Variants in ANKZF1 observed in about 807,000 individuals in gnomAD.
ANKZF1 encodes tRNA endonuclease ANKZF1.
A neutral mutation model predicts 86.0 loss-of-function variants in ANKZF1; 84 were observed. The observed-to-expected ratio is 0.98, with a 90% CI of 0.82 to 1.17. The LOEUF (loss-of-function observed/expected upper bound fraction) is 1.17. Among genes scored for constraint, ANKZF1 ranks in the 50% most tolerant of loss-of-function variants. The pLI is 0.00. For missense variants in ANKZF1, 893 were observed against 918.4 expected, an observed-to-expected ratio of 0.97 and a Z score of 0.36; for synonymous variants, 331 against 354.2, an observed-to-expected ratio of 0.93 and a Z score of 0.74.
In ANKZF1 at chr2:219,234,274, A is replaced by C. The variant is rs1243587358; in HGVS notation, c.1190A>C (p.Glu397Ala). The change falls in exon 9 of 14, where the codon GAA becomes GCA. Residue 397 changes from glutamate to alanine, a missense_variant. Transcript: ENST00000323348. Reference sequence around the variant, plus strand: ...AAGGAAGCGCTGGGGCAGAATGAGGAATCTCCCAAACAGGGTTTGATTACT... The same window carrying C: ...AAGGAAGCGCTGGGGCAGAATGAGGCATCTCCCAAACAGGGTTTGATTACT... ...DEKEALGQNE[E>A]SPKQGSGSEG... 1 of 1,613,820 alleles carries C rather than the reference A, an allele frequency of 6.2e-7. No individual in the cohort carries two copies. Among genetic ancestry groups the C allele is most frequent in the African/African-American group, 1.3e-5 (1 of 74,924 alleles).
chr2:219,234,762 A>G (rs144970852), intron 9 of ANKZF1, 64 bp from the exon 10 acceptor site: 47 of 1,520,254 alleles, frequency 3.1e-5, no homozygotes, highest in Non-Finnish European at 4.1e-5. Flanking sequence ...TTTCATTCTT[A>G]TGCATCTGCT....
In ANKZF1 at chr2:219,232,650, T is replaced by G; in HGVS notation, c.525T>G (p.Leu175=). ...TCCAGAATGCCCAGGGCCAGTTTCT[T>G]TATGCCTACCGCTGTGTCCTAGGCC... is the stretch of plus-strand genomic sequence containing the variant. ...VLFQNAQGQF[L]YAYRCVLGPH... The change falls in exon 5 of 14, where the codon CTT becomes CTG. Residue 175 remains leucine (L), a synonymous_variant. Transcript: ENST00000323348. The G allele has an allele frequency of 2.5e-6, 4 of 1,614,162 alleles. No homozygotes were observed. The highest frequency in any genetic ancestry group is 3.4e-6 in the Non-Finnish European group (4 of 1,180,018).
At chr2:219,234,023 C>CAG in intron 8 of ANKZF1, 80 bp downstream of exon 8, 1 of 1,531,670 alleles carries the variant, frequency 6.5e-7, no homozygotes, top group Non-Finnish European at 8.8e-7. Context: ...TTGGTATATC[C>CAG]AGAGGATTTT....
At position 219,232,598 on chromosome 2, in the gene ANKZF1, C is replaced by A. The variant is rs768958693; in HGVS notation, c.473C>A (p.Pro158Gln). 1 of 1,614,204 alleles carries A rather than the reference C, an allele frequency of 6.2e-7. No individual in the cohort carries two copies. Among genetic ancestry groups the A allele is most frequent in the Non-Finnish European group, 8.5e-7 (1 of 1,180,040 alleles). ...ACATTTGAGAAGTTGAGCCGACCCC[C>A]AGGCTTTTACCCTCATCGAGTTCTT... ...RATFEKLSRPPGFYPHRVLFQ... is the reference protein window; with the variant it reads ...RATFEKLSRPQGFYPHRVLFQ... The change falls in exon 5 of 14, where the codon CCA becomes CAA. Residue 158 changes from proline to glutamine, a missense_variant. By Grantham distance (76) the Pro-to-Gln change is moderately conservative. Transcript: ENST00000323348.
chr2:219,233,276 C>T lies in ANKZF1; in HGVS notation c.672-10C>T. The T allele has an allele frequency of 6.2e-7, 1 of 1,614,232 alleles. No individual in the cohort carries two copies. The highest frequency in any genetic ancestry group is 8.5e-7 in the Non-Finnish European group (1 of 1,180,040). On this transcript the variant is annotated splice_polypyrimidine_tract_variant and intron_variant, in intron 6 of 13. Transcript: ENST00000323348. ...GCTGGTCTCCAGTACTGAGTCTGTG[C>T]TGTCTACAGAAGAGAAGTGGTGACA...
chr2:219,230,190 T>A, intron 1 of ANKZF1, 38 bp from the exon 2 acceptor site: 1 of 1,560,686 alleles, frequency 6.4e-7, no homozygotes. Context: ...AGGATCTCGT[T>A]TGCAGGAGCC....
Position 219,236,028 on chromosome 2 carries a change from C to T in ANKZF1, c.1990C>T (p.Arg664Cys), listed in dbSNP as rs763770421. The T allele has an allele frequency of 6.8e-6, 11 of 1,614,206 alleles. No individual in the cohort carries two copies. The highest frequency in any genetic ancestry group is 3.3e-5 in the Admixed American group (2 of 60,026). ...DREKRALAAE[R>C]RLAAQLGAPT... is the part of the protein sequence containing the mutation. ...CCCTCAGAGAGCTCTGGCTGCAGAG[C>T]GCCGACTCGCTGCCCAGTTGGGAGC... The change falls in exon 13 of 14, where the codon CGC becomes TGC. Residue 664 changes from arginine (R) to cysteine (C), a missense_variant. Arg to Cys is a radical substitution (Grantham distance 180). Transcript: ENST00000323348.
rs1951055863 is a variant in ANKZF1 at position 219,232,041 on chromosome 2, G to A, written c.261+1G>A. 6.2e-7 allele frequency: 1 copy of A among 1,601,408 alleles called. No individual in the cohort carries two copies. The highest frequency in any genetic ancestry group is 8.5e-7 in the Non-Finnish European group (1 of 1,174,830). ...GACCTTCCAGAACCACCAAGAACAGGTAATAGGTCAGGTGCAGAGCTAGAT... is the reference window on the plus strand; with the variant it reads ...GACCTTCCAGAACCACCAAGAACAGATAATAGGTCAGGTGCAGAGCTAGAT... On this transcript the variant is annotated splice_donor_variant, in intron 3 of 13. Coordinates refer to ENST00000323348, the MANE Select transcript of ANKZF1 (RefSeq NM_018089.3). LOFTEE classifies it high-confidence loss of function.
rs764262384 is a variant in ANKZF1, at chr2:219,232,487, CAGG to C, written c.365_367del (p.Gly122del). Reference sequence around the variant, plus strand: ...TTGTGTATCTCATATTGTCTGTCTTCAGGAGATCTTTCCAGCATCTCGGGATCA... The same window carrying C: ...TTGTGTATCTCATATTGTCTGTCTTCAGATCTTTCCAGCATCTCGGGATCA... On this transcript the variant is annotated splice_acceptor_variant and coding_sequence_variant, in exon 5 of 14. Coordinates refer to ENST00000323348, the MANE Select transcript of ANKZF1 (RefSeq NM_018089.3). LOFTEE classifies it high-confidence loss of function. 1.2e-6 allele frequency: 2 copies of C among 1,614,032 alleles called. No individual in the cohort carries two copies. The highest frequency in any genetic ancestry group is 1.7e-6 in the Non-Finnish European group (2 of 1,179,956).
In ANKZF1 at chr2:219,230,349, T is replaced by C. The variant is rs1422691158; in HGVS notation, c.92T>C (p.Leu31Pro). The change falls in exon 2 of 14, where the codon CTG (leucine) becomes CCG (proline). Residue 31 changes from leucine (L) to proline (P), a missense_variant. By Grantham distance (98) the Leu-to-Pro change is moderately conservative. Coordinates refer to ENST00000323348, the MANE Select transcript of ANKZF1 (RefSeq NM_018089.3). ...ADAPVFQGLS[L>P]VSHAPGEALA... ...GCTCCGGTCTTTCAGGGCCTGAGCC[T>C]GGTGAGCCACGCGCCTGGGGAGGCT... The C allele has an allele frequency of 6.2e-7, 1 of 1,613,906 alleles. No individual in the cohort carries two copies. The highest frequency in any genetic ancestry group is 1.7e-5 in the Admixed American group (1 of 60,012).
In ANKZF1 at chr2:219,236,610, A is replaced by T; in HGVS notation, c.*165A>T. On this transcript the variant is annotated 3_prime_UTR_variant, in exon 14 of 14. Transcript: ENST00000323348. Reference sequence around the variant, plus strand: ...AGGGCTAGAGGTATGTGGAGCTGGTACTGTCTCTGGAATTTTAATCACAAT... The same window carrying T: ...AGGGCTAGAGGTATGTGGAGCTGGTTCTGTCTCTGGAATTTTAATCACAAT... 1.1e-6 allele frequency: 1 copy of T among 887,864 alleles called. No homozygotes were observed. Among genetic ancestry groups the T allele is most frequent in the Non-Finnish European group, 1.7e-6 (1 of 605,654 alleles). 55.0% of individuals were successfully genotyped at this position (887,864 alleles called of 1,614,324 possible).
chr2:219,233,617 A>G, intron 7 of ANKZF1, 98 bp from the exon 8 acceptor site: 1 of 1,433,778 alleles, frequency 7.0e-7, no homozygotes, highest in Non-Finnish European at 9.5e-7. Context: ...GTTATCCTCT[A>G]CTTTCCACCC....
rs773734066 is a variant in ANKZF1, at chr2:219,234,229, GA to G, written c.1148del (p.Lys383ArgfsTer31). 1.9e-6 allele frequency: 3 copies of G among 1,614,010 alleles called. No individual in the cohort carries two copies. The highest frequency in any genetic ancestry group is 2.2e-5 in the South Asian group (2 of 91,028). On this transcript the variant is annotated frameshift_variant, in exon 9 of 14. Transcript: ENST00000323348. LOFTEE classifies it high-confidence loss of function. ...ERKKPTEEEI[R>X]KICRDEKEAL... ...AAGAAGCCTACTGAGGAAGAAATAA[GA>G]AAGATCTGCAGGGATGAAAAGGAAG...
In ANKZF1 at chr2:219,236,398, C is replaced by T. The variant is rs747177982; in HGVS notation, c.2134C>T (p.Arg712Cys). The part of the protein sequence containing the change: ...HYLDFSFCST[R>C]CLQDHRRQAG... ...CCTCGACTTCTCTTTCTGCTCCACA[C>T]GTTGCCTCCAGGATCATCGCCGTCA... The change falls in exon 14 of 14, where the codon CGT (arginine) becomes TGT (cysteine). Residue 712 changes from arginine (R) to cysteine (C), a missense_variant. Transcript: ENST00000323348. 1.1e-5 allele frequency: 18 copies of T among 1,613,700 alleles called. No homozygotes were observed. The highest frequency in any genetic ancestry group is 8.8e-5 in the South Asian group (8 of 91,040).
intron 8 of ANKZF1, 75 bp downstream of exon 8, chr2:219,234,018 A>C: frequency 6.5e-7 from 1 of 1,529,810 alleles, no homozygotes; most frequent in Non-Finnish European, 8.8e-7. Context: ...TCTCATTGGT[A>C]TATCCAGAGG....
intron 4 of ANKZF1, 41 bp from the exon 5 acceptor site, chr2:219,232,449 T>C (rs1221231599): frequency 1.2e-5 from 19 of 1,611,538 alleles, no homozygotes; most frequent in Non-Finnish European, 1.6e-5. Context: ...AGAACAAAAA[T>C]GGGGTACCAA....
rs1051563570 is a variant in ANKZF1 at position 219,230,239 on chromosome 2, A to C, written c.-19A>C. The stretch of plus-strand genomic sequence containing the variant: ...GCTTTCTACTCCAGGAGCTGCTGCT[A>C]AATAATTTCTGCTCAGCCATGTCGC... On this transcript the variant is annotated 5_prime_UTR_variant, in exon 2 of 14. Coordinates refer to ENST00000323348, the MANE Select transcript of ANKZF1 (RefSeq NM_018089.3). 6 of 1,608,778 alleles carry C rather than the reference A, an allele frequency of 3.7e-6. No homozygotes were observed. Among genetic ancestry groups the C allele is most frequent in the Non-Finnish European group, 5.1e-6 (6 of 1,176,154 alleles).
chr2:219,234,772 T>G, intron 9 of ANKZF1, 54 bp from the exon 10 acceptor site: 4 of 1,540,464 alleles, frequency 2.6e-6, no homozygotes, highest in Non-Finnish European at 3.5e-6. Context: ...ATGCATCTGC[T>G]TCTACCCTCT....
rs1251527753 is a variant in ANKZF1, at chr2:219,232,132, C to T, written c.261+92C>T. ...CATTTGATTTGTCTTAATAAAGGTC[C>T]ATGCTTTGACTGAGGCAGTTGGTGT... On this transcript the variant is annotated intron_variant, in intron 3 of 13. Transcript: ENST00000323348. 2.1e-6 allele frequency: 3 copies of T among 1,413,126 alleles called. No individual in the cohort carries two copies. In the African/African-American group the frequency reaches 4.3e-5, roughly 20 times the overall value. 87.5% of individuals were successfully genotyped at this position (1,413,126 alleles called of 1,614,324 possible).
Sources: allele counts gnomAD v4.1 joint callset, GRCh38; gene constraint gnomAD v4.1.1; transcripts MANE v1.5; gene names NCBI Gene and HGNC (gene_info 2026-07-23, HGNC 2026-07-21).